The following CPLANE1 variants were observed in gnomAD, a reference collection of about 807,000 sequenced individuals.
CPLANE1 encodes the protein ciliogenesis and planar polarity effector complex subunit 1.
In CPLANE1, 263 loss-of-function variants were observed where a neutral mutation model predicts 362.5. That is an observed-to-expected ratio of 0.73 (90% CI 0.66 to 0.80). CPLANE1 has a LOEUF of 0.80. Ranked by LOEUF, CPLANE1 falls within the 30% of genes least tolerant of loss-of-function variation. CPLANE1 has a pLI of 0.00. For synonymous variants in CPLANE1, 1,212 were observed against 1,302.6 expected (o/e 0.93, Z 1.50); for missense variants, 3,461 against 3,793.4 (o/e 0.91, Z 2.30).
chr5:37,137,691 G>A (rs550418831), intron 46 of CPLANE1, among the ~76,000 whole-genome samples: 12 of 152,284 alleles, frequency 7.9e-5, no homozygotes, highest in South Asian at 2.1e-4. Flanking sequence ...ACATAATGGC[G>A]GGAAGGAGAA....
At chr5:37,208,601 C>G (rs1192624438) in intron 16 of CPLANE1, among the ~76,000 whole-genome samples, 1 of 151,680 alleles carries the variant, frequency 6.6e-6, no homozygotes, top group Non-Finnish European at 1.5e-5. Context: ...GGCACGAGCC[C>G]AGGAGGCGGA....
intron 34 of CPLANE1, among the ~76,000 whole-genome samples, chr5:37,167,896 G>C (rs1045988797): frequency 2.0e-5 from 3 of 152,178 alleles, no homozygotes; most frequent in Non-Finnish European, 4.4e-5. Context: ...AGATGGAACA[G>C]ACCAGCAATA....
chr5:37,102,150 T>C (rs571356853), downstream of CPLANE1, among the ~76,000 whole-genome samples: 1 of 152,228 alleles, frequency 6.6e-6, no homozygotes, highest in Admixed American at 6.5e-5. Context: ...TTGTTTGCTC[T>C]TGGTTCTCTA....
chr5:37,127,306 C>T (rs1046127171), intron 46 of CPLANE1, among the ~76,000 whole-genome samples: 10 of 152,164 alleles, frequency 6.6e-5, no homozygotes, highest in Non-Finnish European at 2.9e-5. Context: ...AGATCTACAT[C>T]AGCACTGCAG....
intron 18 of CPLANE1, among the ~76,000 whole-genome samples, chr5:37,203,927 T>C (rs1014467575): frequency 2.6e-5 from 4 of 152,234 alleles, no homozygotes; most frequent in African/African-American, 7.2e-5. Context: ...ATGGAACCCT[T>C]TGAATTTTTA....
At chr5:37,156,413 G>A (rs1162548119) in intron 41 of CPLANE1, among the ~76,000 whole-genome samples, 2 of 152,066 alleles carry the variant, frequency 1.3e-5, no homozygotes, top group African/African-American at 4.8e-5. Flanking sequence ...AGACCAACCT[G>A]GGCAACATAG....
intron 16 of CPLANE1, among the ~76,000 whole-genome samples, chr5:37,213,356 T>G (rs1434864928): frequency 2.0e-5 from 3 of 152,232 alleles, no homozygotes; most frequent in African/African-American, 7.2e-5. Context: ...TTTTGTGATT[T>G]TAAAAAGCCA....
intron 46 of CPLANE1, among the ~76,000 whole-genome samples, chr5:37,135,682 A>C (rs555252361): frequency 2.0e-5 from 3 of 152,176 alleles, no homozygotes; most frequent in Non-Finnish European, 4.4e-5. Flanking sequence ...AAAATATAAA[A>C]ATTAGCTGGA....
chr5:37,218,948 CA>C (rs773096225), intron 15 of CPLANE1, among the ~76,000 whole-genome samples: 276 of 117,650 alleles, frequency 2.3e-3, no homozygotes, highest in Admixed American at 2.0e-3. Flanking sequence ...AACTCCATCT[CA>C]AAAAAAAAAA....
In CPLANE1 at chr5:37,162,551, T is replaced by C. The variant is rs2150808164; in HGVS notation, c.7604A>G (p.Asp2535Gly). The C allele has an allele frequency of 1.2e-6, 2 of 1,609,448 alleles. No homozygotes were observed. Among genetic ancestry groups the C allele is most frequent in the Middle Eastern group, 1.7e-4 (1 of 6,050 alleles). ...FDVPFEMLQD[D>G]NTSAGLHFMA... ...GAAATGCAATCCAGCTGAAGTATTATCATCTTGTAGCATTTCTTAAATATA... is the reference window on the plus strand; with the variant it reads ...GAAATGCAATCCAGCTGAAGTATTACCATCTTGTAGCATTTCTTAAATATA... Residue 2535 changes from aspartate (D) to glycine (G), a missense_variant, in exon 38 of 53, where the codon GAT becomes GGT. Transcript: ENST00000651892.
chr5:37,115,080 C>T, intron 50 of CPLANE1, 31 bp from the exon 51 acceptor site: 1 of 1,283,290 alleles, frequency 7.8e-7, no homozygotes, highest in Non-Finnish European at 1.1e-6. Context: ...TATTAGCCTT[C>T]CATAGACATC....
intron 46 of CPLANE1, among the ~76,000 whole-genome samples, chr5:37,125,629 C>T (rs183752000): frequency 6.6e-6 from 1 of 152,312 alleles, no homozygotes; most frequent in East Asian, 1.9e-4. Context: ...ACCTTAAACT[C>T]GATTTTCCCT....
intron 38 of CPLANE1, among the ~76,000 whole-genome samples, chr5:37,161,678 A>G (rs1324418693): frequency 6.6e-6 from 1 of 152,208 alleles, no homozygotes; most frequent in African/African-American, 2.4e-5. Context: ...GGACAATGAG[A>G]GTTTAGATAG....
Position 37,209,914 on chromosome 5 carries a change from C to T in CPLANE1, c.2921-3489G>A. ...CTTCAGCTTATTGATGATCAGTTTG[C>T]AGATGCTTACCCTCAGCGTATCAAG... On this transcript the variant is annotated intron_variant, in intron 16 of 52. Coordinates refer to ENST00000651892, the MANE Select transcript of CPLANE1 (RefSeq NM_001384732.1). This position sits in a 1 kb window ranked among gnomAD's most constrained non-coding sequence, Gnocchi z 4.6. 1 of 1,404,538 alleles carries T rather than the reference C, an allele frequency of 7.1e-7. No homozygotes were observed. The highest frequency in any genetic ancestry group is 1.0e-6 in the Non-Finnish European group (1 of 991,002). 87.0% of individuals were successfully genotyped at this position (1,404,538 alleles called of 1,614,324 possible).
At chr5:37,094,959 A>C in the CPLANE1 span, among the ~76,000 whole-genome samples, 2 of 152,204 alleles carry the variant, frequency 1.3e-5, no homozygotes, top group Admixed American at 1.3e-4. Context: ...TCAACAAAAA[A>C]AAGTCCAGGA....
At chr5:37,232,522 A>G (rs1192851935) in intron 8 of CPLANE1, among the ~76,000 whole-genome samples, 147 of 86,662 alleles carry the variant, frequency 1.7e-3, no homozygotes, top group Admixed American at 3.1e-3. Flanking sequence ...ATCTTGGGGG[A>G]AAAAAAAAAA....
intron 19 of CPLANE1, among the ~76,000 whole-genome samples, chr5:37,200,782 AG>A (rs1042017042): frequency 2.0e-5 from 3 of 151,720 alleles, no homozygotes; most frequent in Non-Finnish European, 2.9e-5. Context: ...TGAATAGTGT[AG>A]GAAAAAAAAA....
At chr5:37,211,867 T>C in intron 16 of CPLANE1, 2 of 789,144 alleles carry the variant, frequency 2.5e-6, no homozygotes, top group Non-Finnish European at 4.7e-6. Flanking sequence ...GCACGGAATG[T>C]GCCAAGGCAG....
At chr5:37,224,789 T>C in intron 12 of CPLANE1, 49 bp from the exon 13 acceptor site, 2 of 1,318,596 alleles carry the variant, frequency 1.5e-6, no homozygotes, top group Middle Eastern at 2.5e-4. Context: ...AGGCTAATGA[T>C]GAGTTTAGCC....
Sources: gnomAD v4.1 joint callset for allele counts (sites outside exome capture counted in the v4.1 genomes callset) on GRCh38, gnomAD v4.1.1 for gene constraint, Gnocchi (gnomAD v3.1) non-coding constraint, MANE v1.5 for transcripts, NCBI Gene and HGNC (gene_info 2026-07-23, HGNC 2026-07-21) for gene names.